Variants in AFF4 observed in about 807,000 individuals in gnomAD.
The protein encoded by AFF4 is ALF transcription elongation factor 4, also known as AF4/FMR2 family member 4.
In AFF4, 13 loss-of-function variants were observed where a neutral mutation model predicts 124.8. The observed-to-expected ratio is 0.10, with a 90% CI of 0.07 to 0.17. AFF4 has a LOEUF of 0.17. Among genes scored for constraint, AFF4 ranks in the 10% least tolerant of loss-of-function variants. AFF4 has a pLI of 1.00. For missense variants in AFF4, 1,092 were observed against 1,403.8 expected, an observed-to-expected ratio of 0.78 and a Z score of 3.55; for synonymous variants, 477 against 496.1, an observed-to-expected ratio of 0.96 and a Z score of 0.51.
At chr5:132,906,447 C>T (rs966183389) in intron 5 of AFF4, among the ~76,000 whole-genome samples, 2 of 152,098 alleles carry the variant, frequency 1.3e-5, no homozygotes, top group Non-Finnish European at 2.9e-5. Flanking sequence ...GAATGAAGTA[C>T]TGTTACATGC....
intron 1 of AFF4, among the ~76,000 whole-genome samples, chr5:132,954,652 A>G (rs2150112733): frequency 7.1e-6 from 1 of 141,744 alleles, no homozygotes; most frequent in Admixed American, 7.5e-5. Flanking sequence ...GGTTCACGCC[A>G]TTCTCCTGCC....
At position 132,892,340 on chromosome 5, in the gene AFF4, A is replaced by G. The variant is rs757385652; in HGVS notation, c.2461T>C (p.Ser821Pro). The change falls in exon 13 of 21, where the codon TCA (serine) becomes CCA (proline). Residue 821 changes from serine to proline, a missense_variant. Physicochemically the swap from Ser to Pro is moderately conservative, Grantham distance 74 (BLOSUM62 -1). This residue lies in a region of AFF4 where 293 missense variants were observed against 280.2 expected (regional missense o/e 1.05). Coordinates refer to ENST00000265343, the MANE Select transcript of AFF4 (RefSeq NM_014423.4). ...CCATGCTCTGTTTTTGGATCTTTTGAAGGAACAGGCCCAGCGGGAGAAGGC... is the reference window on the plus strand; with the variant it reads ...CCATGCTCTGTTTTTGGATCTTTTGGAGGAACAGGCCCAGCGGGAGAAGGC... ...LLPSPAGPVPSKDPKTEHGSR... is the reference protein window; with the variant it reads ...LLPSPAGPVPPKDPKTEHGSR... 1 of 1,614,122 alleles carries G rather than the reference A, an allele frequency of 6.2e-7. No individual in the cohort carries two copies. Among genetic ancestry groups the G allele is most frequent in the East Asian group, 2.2e-5 (1 of 44,880 alleles).
chr5:132,948,104 G>A (rs962034580), intron 1 of AFF4, among the ~76,000 whole-genome samples: 1 of 151,782 alleles, frequency 6.6e-6, no homozygotes, highest in African/African-American at 2.4e-5. Context: ...AGGCTGGAAT[G>A]CAGTGGCACG....
chr5:132,947,402 C>T (rs1381645248), intron 1 of AFF4, among the ~76,000 whole-genome samples: 1 of 152,106 alleles, frequency 6.6e-6, no homozygotes, highest in Non-Finnish European at 1.5e-5. Flanking sequence ...GACTCTGCCT[C>T]GAAAACAAAA....
chr5:132,933,384 C>T (rs1441927904), intron 3 of AFF4, among the ~76,000 whole-genome samples: 1 of 146,400 alleles, frequency 6.8e-6, no homozygotes, highest in Admixed American at 7.0e-5. Context: ...GCAACAAGAG[C>T]GAAACTCCAA....
chr5:132,934,961 A>G lies in AFF4; in HGVS notation c.124-20T>C, dbSNP rs1290814239. On this transcript the variant is annotated intron_variant, in intron 2 of 20. Coordinates refer to ENST00000265343, the MANE Select transcript of AFF4 (RefSeq NM_014423.4). The stretch of plus-strand genomic sequence containing the variant: ...GCTAGTCTACAAAAAAATAAAATAA[A>G]ATAAAATTATAAAATGAGCATAATC... 1 of 1,477,010 alleles carries G rather than the reference A, an allele frequency of 6.8e-7. No homozygotes were observed. The highest frequency in any genetic ancestry group is 1.4e-5 in the African/African-American group (1 of 69,868). The allele number at this position is 1,477,010 out of a possible 1,614,324, so 91.5% of individuals were successfully genotyped here. A position where few individuals can be genotyped will look rare whatever the true frequency, so the allele number is the denominator to read the frequency against.
Position 132,888,113 on chromosome 5 carries a change from T to C in AFF4, c.2780A>G (p.His927Arg). 6.2e-7 allele frequency: 1 copy of C among 1,611,440 alleles called. No individual in the cohort carries two copies. The highest frequency in any genetic ancestry group is 8.5e-7 in the Non-Finnish European group (1 of 1,178,306). Residue 927 changes from histidine (H) to arginine (R), a missense_variant, in exon 15 of 21, where the codon CAC becomes CGC. This residue lies in a region of AFF4 where 173 missense variants were observed against 294.9 expected (regional missense o/e 0.59). Transcript: ENST00000265343. ...TCTACATACCAATGCATCTGCATTG[T>C]GCTTTAGCTTTTTTGCTTCTTGTAA... ...HYLQEAKKLKHNADALSDRFE... is the reference protein window; with the variant it reads ...HYLQEAKKLKRNADALSDRFE...
intron 5 of AFF4, among the ~76,000 whole-genome samples, chr5:132,910,250 ACCAAT>A (rs1760763615): frequency 6.6e-6 from 1 of 152,224 alleles, no homozygotes; most frequent in Non-Finnish European, 1.5e-5. Context: ...TTTAAATGGG[ACCAAT>A]TCAAGGAGAG....
intron 1 of AFF4, among the ~76,000 whole-genome samples, chr5:132,945,835 C>T (rs924709439): frequency 2.6e-5 from 4 of 151,700 alleles, no homozygotes; most frequent in East Asian, 1.9e-4. Context: ...CTGAGGCAGG[C>T]GGATCATCTG....
chr5:132,916,402 A>C (rs568588643), intron 5 of AFF4, among the ~76,000 whole-genome samples: 87 of 149,940 alleles, frequency 5.8e-4, no homozygotes, highest in African/African-American at 2.1e-3. Flanking sequence ...GTTTCCATAA[A>C]TTTTTTTTTT....
At position 132,961,241 on chromosome 5, in the gene AFF4, C is replaced by T. The variant is rs530582544; in HGVS notation, c.-5+2018G>A. Among the ~76,000 whole-genome samples the T allele has an allele frequency of 2.0e-5, 3 of 152,008 alleles. No individual in the cohort carries two copies. In the East Asian group the frequency reaches 5.9e-4, roughly 30 times the overall value. On this transcript the variant is annotated intron_variant, in intron 1 of 20. Coordinates refer to ENST00000265343, the MANE Select transcript of AFF4 (RefSeq NM_014423.4). ...TGCAACCTTCGCCTCCCAGTTCAAGCGATTCTCAAGCGATTCTCGTGCCTC... is the reference window on the plus strand; with the variant it reads ...TGCAACCTTCGCCTCCCAGTTCAAGTGATTCTCAAGCGATTCTCGTGCCTC...
intron 1 of AFF4, among the ~76,000 whole-genome samples, chr5:132,955,795 A>AAAATAT (rs1554079227): frequency 8.5e-6 from 1 of 117,558 alleles, no homozygotes; most frequent in African/African-American, 3.6e-5. Flanking sequence ...AAAAAAAAAA[A>AAAATAT]ATATATATAT....
intron 1 of AFF4, among the ~76,000 whole-genome samples, chr5:132,940,417 C>T (rs564878908): frequency 1.5e-4 from 23 of 151,944 alleles, no homozygotes; most frequent in African/African-American, 5.5e-4. Context: ...AGGAGAATGG[C>T]GTGAACCCGG....
At chr5:132,915,441 T>C (rs1193764003) in intron 5 of AFF4, among the ~76,000 whole-genome samples, 1 of 152,098 alleles carries the variant, frequency 6.6e-6, no homozygotes, top group Non-Finnish European at 1.5e-5. Context: ...AGGCCATCAT[T>C]ACTCAGATAC....
chr5:132,940,476 G>A (rs1230528972), intron 1 of AFF4, among the ~76,000 whole-genome samples: 2 of 152,002 alleles, frequency 1.3e-5, no homozygotes, highest in Non-Finnish European at 2.9e-5. Flanking sequence ...ACTCCAGCCT[G>A]GGCGACAGAG....
intron 20 of AFF4, among the ~76,000 whole-genome samples, chr5:132,881,963 G>A (rs72799472): frequency 0.1 from 15,766 of 151,480 alleles, 1,128 homozygotes; most frequent in Non-Finnish European, 0.16. Context: ...CACCACACCC[G>A]GCCACAAATT....
chr5:132,892,021 G>T, intron 13 of AFF4, 143 bp downstream of exon 13: 2 of 1,233,430 alleles, frequency 1.6e-6, no homozygotes, highest in Non-Finnish European at 2.3e-6. Flanking sequence ...TCATTTATCA[G>T]GATTATTACA....
At chr5:132,957,220 A>G (rs1761984266) in intron 1 of AFF4, among the ~76,000 whole-genome samples, 1 of 151,546 alleles carries the variant, frequency 6.6e-6, no homozygotes, top group Non-Finnish European at 1.5e-5. Context: ...TCGTGCCTGT[A>G]GTCCTAGCTA....
chr5:132,912,880 C>G (rs1760826179), intron 5 of AFF4, among the ~76,000 whole-genome samples: 1 of 151,394 alleles, frequency 6.6e-6, no homozygotes, highest in Admixed American at 6.6e-5. Flanking sequence ...CACACACACA[C>G]ACAAAAGGGC....
Sources: allele counts gnomAD v4.1 joint callset (sites outside exome capture counted in the v4.1 genomes callset), GRCh38; gene constraint gnomAD v4.1.1; regional missense constraint gnomAD v4.1.1; transcripts MANE v1.5; gene names NCBI Gene and HGNC (gene_info 2026-07-23, HGNC 2026-07-21).